The following MORC2 variants were observed in gnomAD, a reference collection of about 807,000 sequenced individuals.
The protein encoded by MORC2 is ATPase MORC2.
A neutral mutation model predicts 136.0 loss-of-function variants in MORC2; 30 were observed. The observed-to-expected ratio is 0.22, with a 90% CI of 0.17 to 0.30. MORC2 has a LOEUF of 0.30. Ranked by LOEUF, MORC2 falls within the 10% of genes least tolerant of loss-of-function variation. The pLI, the probability that MORC2 is intolerant of heterozygous loss-of-function variation, is 1.00. For missense variants in MORC2, 922 were observed against 1,333.1 expected (o/e 0.69, Z 4.80); for synonymous variants, 439 against 487.0 (o/e 0.90, Z 1.30).
rs1472720040 is a variant in MORC2, at chr22:30,926,640, T to A, written c.*163A>T. ...TTTAAAAAATAAATATTTATAAACT[T>A]AAGGAAGATTCAAAGAATCAGGGTA... is the stretch of plus-strand genomic sequence containing the variant. On this transcript the variant is annotated 3_prime_UTR_variant, in exon 26 of 26. Coordinates refer to ENST00000397641, the MANE Select transcript of MORC2 (RefSeq NM_001303256.3). 1 of 326,898 alleles carries A rather than the reference T, an allele frequency of 3.1e-6. No homozygotes were observed. Among genetic ancestry groups the A allele is most frequent in the East Asian group, 5.3e-5 (1 of 18,786 alleles). 20.2% of individuals were successfully genotyped at this position (326,898 alleles called of 1,614,324 possible).
chr22:30,951,882 T>C (rs1375188080), intron 3 of MORC2, among the ~76,000 whole-genome samples: 4 of 151,960 alleles, frequency 2.6e-5, no homozygotes, highest in African/African-American at 9.7e-5. Flanking sequence ...CTCGGCTCAC[T>C]GCAACCTCTG....
intron 16 of MORC2, 92 bp from the exon 17 acceptor site, chr22:30,936,735 C>A: frequency 6.7e-7 from 1 of 1,500,224 alleles, no homozygotes; most frequent in South Asian, 1.2e-5. Context: ...CTGTCTGTCA[C>A]AAGAGCAACC....
At chr22:30,954,342 G>A (rs1400050467) in intron 3 of MORC2, among the ~76,000 whole-genome samples, 1 of 152,130 alleles carries the variant, frequency 6.6e-6, no homozygotes, top group Non-Finnish European at 1.5e-5. Context: ...GTAGAAAAGT[G>A]TAGGGTTAAA....
chr22:30,951,518 A>G (rs1202476989), intron 3 of MORC2, among the ~76,000 whole-genome samples: 1 of 152,226 alleles, frequency 6.6e-6, no homozygotes, highest in Non-Finnish European at 1.5e-5. Context: ...AAGCAAGCCA[A>G]CTTCCCATAT....
At chr22:30,957,514 A>G (rs1458415317) in intron 2 of MORC2, among the ~76,000 whole-genome samples, 2 of 152,222 alleles carry the variant, frequency 1.3e-5, no homozygotes, top group African/African-American at 2.4e-5. Context: ...ACATATACCT[A>G]TTCTCAAATA....
At chr22:30,966,664 G>A (rs2147332903) in intron 1 of MORC2, among the ~76,000 whole-genome samples, 2 of 152,230 alleles carry the variant, frequency 1.3e-5, no homozygotes, top group Middle Eastern at 6.8e-3. Context: ...TGTAGTCCCA[G>A]CTACTTGGGA....
chr22:30,927,958 C>T, intron 25 of MORC2, 61 bp downstream of exon 25: 2 of 1,590,508 alleles, frequency 1.3e-6, no homozygotes, highest in Non-Finnish European at 8.6e-7. Flanking sequence ...GAACAGGGCC[C>T]AGGCCCCCCT....
intron 1 of MORC2, among the ~76,000 whole-genome samples, chr22:30,960,162 T>C (rs558940324): frequency 1.3e-5 from 2 of 152,248 alleles, no homozygotes; most frequent in East Asian, 3.9e-4. Context: ...AGAGGAGGTT[T>C]CACCATGTTG....
intron 3 of MORC2, 85 bp downstream of exon 3, chr22:30,956,678 G>T: frequency 8.7e-7 from 1 of 1,146,204 alleles, no homozygotes; most frequent in Non-Finnish European, 1.2e-6. Flanking sequence ...CCCGAATCCA[G>T]TTATTTCCCA....
rs2040465981 is a variant in MORC2, at chr22:30,925,202, TA to T, written c.*1600del. ...ATGTGTGTGAATTTTAAAAACTGAT[TA>T]CCCTCCAGTAAAAATGTGGAACCAA... On this transcript the variant is annotated 3_prime_UTR_variant, in exon 26 of 26. Transcript: ENST00000397641. 2.4e-5 allele frequency: 7 copies of T among 289,662 alleles called. No individual in the cohort carries two copies. Among genetic ancestry groups the T allele is most frequent in the Non-Finnish European group, 4.7e-5 (7 of 147,508 alleles). 17.9% of individuals were successfully genotyped at this position (289,662 alleles called of 1,614,324 possible).
chr22:30,967,609 C>A, intron 1 of MORC2: 2 of 1,353,270 alleles, frequency 1.5e-6, no homozygotes, highest in Non-Finnish European at 1.9e-6. Flanking sequence ...AATTTTGATC[C>A]AATAAACAAA....
Position 30,949,455 on chromosome 22 carries a change from TACAGGGTAAAAATAAGA to T in MORC2, c.317+280_317+296del, listed in dbSNP as rs57386870. ...CAAGAGAATCACTCACATCCTTGAC[TACAGGGTAAAAATAAGA>T]ATTTTCAACAGGAGAGGTGCAGTTC... On this transcript the variant is annotated intron_variant, in intron 5 of 25. Coordinates refer to ENST00000397641, the MANE Select transcript of MORC2 (RefSeq NM_001303256.3). Among the ~76,000 whole-genome samples, 22,247 of 152,214 alleles carry T rather than the reference TACAGGGTAAAAATAAGA, an allele frequency of 0.15. 2,069 individuals carry two copies. Among genetic ancestry groups the T allele is most frequent in the Middle Eastern group, 0.26 (75 of 294 alleles).
chr22:30,936,838 CAG>C, intron 16 of MORC2, 92 bp downstream of exon 16: 1 of 1,344,940 alleles, frequency 7.4e-7, no homozygotes, highest in Non-Finnish European at 1.0e-6. Flanking sequence ...TGTGGCAAGA[CAG>C]AGATGTAAGG....
chr22:30,961,602 G>A (rs2147317739), intron 1 of MORC2, among the ~76,000 whole-genome samples: 1 of 152,164 alleles, frequency 6.6e-6, no homozygotes, highest in East Asian at 1.9e-4. Flanking sequence ...CTCAAAAATA[G>A]AGCTACCAGA....
Position 30,941,336 on chromosome 22 carries a change from A to C in MORC2, c.824+97T>G. On this transcript the variant is annotated intron_variant, in intron 9 of 25. Coordinates refer to ENST00000397641, the MANE Select transcript of MORC2 (RefSeq NM_001303256.3). This position sits in a 1 kb window ranked among gnomAD's most constrained non-coding sequence, Gnocchi z 4.6. ...TCCCAAACGTAGTCAGCACTGCCAG[A>C]GCCTCTTATACAGCATCCCTCTAAC... is the stretch of plus-strand genomic sequence containing the variant. 6.6e-7 allele frequency: 1 copy of C among 1,509,684 alleles called. No homozygotes were observed. The highest frequency in any genetic ancestry group is 8.9e-7 in the Non-Finnish European group (1 of 1,123,430). The allele number at this position is 1,509,684 out of a possible 1,614,324, so 93.5% of individuals were successfully genotyped here.
rs1304449200 is a variant in MORC2, at chr22:30,926,743, C to A, written c.*60G>T. On this transcript the variant is annotated 3_prime_UTR_variant, in exon 26 of 26. Coordinates refer to ENST00000397641, the MANE Select transcript of MORC2 (RefSeq NM_001303256.3). ...CACCAACCCATGAATGAAGTCCCCT[C>A]CCCCTGCAGCTACAGGGTTGAGGGG... 1 of 1,436,132 alleles carries A rather than the reference C, an allele frequency of 7.0e-7. No individual in the cohort carries two copies. Among genetic ancestry groups the A allele is most frequent in the African/African-American group, 1.4e-5 (1 of 71,106 alleles). 89.0% of individuals were successfully genotyped at this position (1,436,132 alleles called of 1,614,324 possible).
chr22:30,951,396 G>T (rs1213205561), intron 3 of MORC2, among the ~76,000 whole-genome samples: 1 of 152,212 alleles, frequency 6.6e-6, no homozygotes, highest in African/African-American at 2.4e-5. Context: ...TTGACCCAAT[G>T]ATGAGGACTA....
At position 30,968,503 on chromosome 22, in the gene MORC2, A is replaced by G. The variant is rs1334115888; in HGVS notation, c.-614T>C. Among the ~76,000 whole-genome samples, 1 of 152,136 alleles carries G rather than the reference A, an allele frequency of 6.6e-6. No homozygotes were observed. On this transcript the variant is annotated 5_prime_UTR_variant, in exon 1 of 26. Transcript: ENST00000397641. ...AGGCACTCACGATTTCTTTTTTCAA[A>G]GCCGGACCAAACCCAGTTCAGGGTG...
In MORC2 at chr22:30,941,363, A is replaced by T; in HGVS notation, c.824+70T>A. ...CCTCTTATACAGCATCCCTCTAACA[A>T]TGCCCCAGAGAAACGCGGCCACATC... On this transcript the variant is annotated intron_variant, in intron 9 of 25. Coordinates refer to ENST00000397641, the MANE Select transcript of MORC2 (RefSeq NM_001303256.3). This position sits in a 1 kb window ranked among gnomAD's most constrained non-coding sequence, Gnocchi z 4.6. 1 of 1,583,642 alleles carries T rather than the reference A, an allele frequency of 6.3e-7. No individual in the cohort carries two copies. The highest frequency in any genetic ancestry group is 8.6e-7 in the Non-Finnish European group (1 of 1,163,902).
Sources: gnomAD v4.1 joint callset for allele counts (sites outside exome capture counted in the v4.1 genomes callset) on GRCh38, gnomAD v4.1.1 for gene constraint, Gnocchi (gnomAD v3.1) non-coding constraint, MANE v1.5 for transcripts, NCBI Gene and HGNC (gene_info 2026-07-23, HGNC 2026-07-21) for gene names.